The following SAMMSON variants were observed in gnomAD, a reference collection of about 807,000 sequenced individuals.
SAMMSON encodes long intergenic non-protein coding RNA 1212.
chr3:70,417,193 T>C (rs1701270862), intron 2 of SAMMSON, among the ~76,000 whole-genome samples: 1 of 152,166 alleles, frequency 6.6e-6, no homozygotes, highest in Admixed American at 6.5e-5. Context: ...CAGAGTATTT[T>C]ACCCCTTTAC....
intron 7 of SAMMSON, among the ~76,000 whole-genome samples, chr3:70,346,466 C>A (rs1446067681): frequency 2.6e-5 from 4 of 151,932 alleles, no homozygotes; most frequent in African/African-American, 7.2e-5. Flanking sequence ...TGGTTAAGGT[C>A]TGGGTTTAGG....
intron 6 of SAMMSON, chr3:70,283,631 G>A (rs1446249748): frequency 6.6e-6 from 1 of 152,022 alleles, no homozygotes; most frequent in Admixed American, 6.6e-5. Flanking sequence ...AGATTAAAGG[G>A]ATTCATGCTG....
At chr3:70,170,693 G>T (rs1700937058) in intron 4 of SAMMSON, among the ~76,000 whole-genome samples, 1 of 144,286 alleles carries the variant, frequency 6.9e-6, no homozygotes, top group Non-Finnish European at 1.5e-5. Flanking sequence ...GAAGGACATT[G>T]TTAATTTTTT....
intron 4 of SAMMSON, among the ~76,000 whole-genome samples, chr3:70,130,309 G>A (rs1319917362): frequency 6.6e-6 from 1 of 152,188 alleles, no homozygotes; most frequent in African/African-American, 2.4e-5. Flanking sequence ...CAAGATCATG[G>A]ACTTTGAGTT....
chr3:70,050,525 G>A (rs1485533560), intron 3 of SAMMSON, among the ~76,000 whole-genome samples: 2 of 152,032 alleles, frequency 1.3e-5, no homozygotes, highest in African/African-American at 2.4e-5. Context: ...GTGGTGCTTG[G>A]GACCAACATT....
intron 4 of SAMMSON, among the ~76,000 whole-genome samples, chr3:70,112,705 TTAAA>T (rs2067394657): frequency 6.6e-6 from 1 of 152,150 alleles, no homozygotes; most frequent in Middle Eastern, 3.2e-3. Flanking sequence ...ATTGAAATAT[TTAAA>T]TAATCACAGT....
At chr3:70,340,896 T>A (rs1040453465) in intron 7 of SAMMSON, among the ~76,000 whole-genome samples, 1 of 152,126 alleles carries the variant, frequency 6.6e-6, no homozygotes, top group Non-Finnish European at 1.5e-5. Flanking sequence ...TGGTGAATAA[T>A]CAAAGCTAGG....
intron 6 of SAMMSON, among the ~76,000 whole-genome samples, chr3:70,250,029 T>C (rs1383921438): frequency 6.6e-6 from 1 of 152,112 alleles, no homozygotes; most frequent in Non-Finnish European, 1.5e-5. Flanking sequence ...TGGCTTCGAG[T>C]TGTTTATTAA....
chr3:70,201,782 C>T (rs1465531019), intron 4 of SAMMSON, among the ~76,000 whole-genome samples: 1 of 152,190 alleles, frequency 6.6e-6, no homozygotes, highest in Admixed American at 6.5e-5. Flanking sequence ...CCTCTCCATT[C>T]CCTCCTCTTG....
At chr3:70,139,918 C>T (rs116540966) in intron 4 of SAMMSON, among the ~76,000 whole-genome samples, 99 of 152,276 alleles carry the variant, frequency 6.5e-4, no homozygotes, top group African/African-American at 2.2e-3. Flanking sequence ...TGCTACTTTC[C>T]TTATCAAATT....
chr3:70,399,831 C>T (rs1385965269), intron 2 of SAMMSON, among the ~76,000 whole-genome samples: 1 of 145,078 alleles, frequency 6.9e-6, no homozygotes, highest in African/African-American at 2.6e-5. Flanking sequence ...GCTGAAATCT[C>T]GTGACAGAGC....
intron 3 of SAMMSON, among the ~76,000 whole-genome samples, chr3:70,058,211 G>A (rs1448561357): frequency 2.0e-5 from 3 of 151,942 alleles, no homozygotes; most frequent in Non-Finnish European, 1.5e-5. Context: ...GTGAGACAGA[G>A]GTAAACAGTT....
At chr3:70,404,142 A>G (rs1050058951) in intron 2 of SAMMSON, among the ~76,000 whole-genome samples, 1 of 152,120 alleles carries the variant, frequency 6.6e-6, no homozygotes, top group African/African-American at 2.4e-5. Flanking sequence ...AAGCTAATTT[A>G]GCATGACATT....
chr3:70,080,801 T>C (rs1384560732), intron 4 of SAMMSON, among the ~76,000 whole-genome samples: 3 of 152,000 alleles, frequency 2.0e-5, no homozygotes, highest in East Asian at 1.9e-4. Context: ...GTAAAATCAA[T>C]ATAACGATAT....
At chr3:70,062,769 C>T (rs996133654) in intron 3 of SAMMSON, among the ~76,000 whole-genome samples, 4 of 152,062 alleles carry the variant, frequency 2.6e-5, no homozygotes, top group African/African-American at 9.7e-5. Flanking sequence ...CATTTCTTGC[C>T]TCCTCTGAAA....
intron 4 of SAMMSON, chr3:70,126,495 C>G: frequency 1.6e-6 from 1 of 632,178 alleles, no homozygotes; most frequent in South Asian, 1.7e-5. Flanking sequence ...TTCTCCTCAG[C>G]GGTCAGCTCA....
In SAMMSON at chr3:70,219,819, G is replaced by T. The variant is rs151273792; in HGVS notation, n.508-29288G>T. Among the ~76,000 whole-genome samples, 1,428 of 152,206 alleles carry T rather than the reference G, an allele frequency of 9.4e-3. 21 individuals carry two copies. The highest frequency in any genetic ancestry group is 0.032 in the African/African-American group (1,346 of 41,514). On this transcript the variant is annotated intron_variant and non_coding_transcript_variant, in intron 4 of 9. Transcript: ENST00000642114. ...AGAATTCAAGTTATGATGGCAAAAT[G>T]ATGCCAAACTCAAAGGTCAGAACAT...
chr3:70,068,347 A>G (rs2067217908), intron 3 of SAMMSON: 1 of 152,058 alleles, frequency 6.6e-6, no homozygotes, highest in Non-Finnish European at 1.5e-5. Flanking sequence ...TGCAAGGGAA[A>G]CGAAGATACC....
chr3:70,015,383 T>A (rs1457303557), intron 3 of SAMMSON: 1 of 151,432 alleles, frequency 6.6e-6, no homozygotes, highest in Non-Finnish European at 1.5e-5. Flanking sequence ...AAGTACTGGA[T>A]GGCCAGAAGT....
Sources: gnomAD v4.1 joint callset for allele counts (sites outside exome capture counted in the v4.1 genomes callset) on GRCh38, gnomAD v4.1.1 for gene constraint, MANE v1.5 for transcripts, NCBI Gene and HGNC (gene_info 2026-07-23, HGNC 2026-07-21) for gene names.